TMEM51: variants seen among roughly 807,000 people sequenced by gnomAD.
The protein encoded by TMEM51 is transmembrane protein 51, also known as chromosome 1 open reading frame 72.
Under a neutral mutation model 13.6 loss-of-function variants are expected in TMEM51, and 8 were observed. That is an observed-to-expected ratio of 0.59 (90% CI 0.35 to 1.07). The LOEUF (loss-of-function observed/expected upper bound fraction) is 1.07. TMEM51 is among the 50% of genes least tolerant of loss of function. The pLI is 0.02. For missense variants in TMEM51, 279 were observed against 330.7 expected (o/e 0.84, Z 1.21); for synonymous variants, 147 against 144.4 (o/e 1.02, Z -0.13).
At chr1:15,204,884 G>A (rs1250479486) in intron 1 of TMEM51, among the ~76,000 whole-genome samples, 1 of 152,068 alleles carries the variant, frequency 6.6e-6, no homozygotes, top group Non-Finnish European at 1.5e-5. Context: ...GCTTAGCCTT[G>A]TTTGCCAGGG....
At chr1:15,171,118 T>G in intron 1 of TMEM51, 10 of 546,946 alleles carry the variant, frequency 1.8e-5, no homozygotes, top group Non-Finnish European at 2.3e-5. Context: ...CCCCGCCACA[T>G]CCCCCACCCC....
chr1:15,218,673 G>A (rs899009967), intron 3 of TMEM51, among the ~76,000 whole-genome samples: 2 of 152,166 alleles, frequency 1.3e-5, no homozygotes, highest in Non-Finnish European at 2.9e-5. Flanking sequence ...AAACGGGAAC[G>A]AGGGTGATCC....
At chr1:15,174,168 T>C (rs1472779496) in intron 1 of TMEM51, among the ~76,000 whole-genome samples, 3 of 152,220 alleles carry the variant, frequency 2.0e-5, no homozygotes, top group African/African-American at 4.8e-5. Context: ...CAGGTGAGCA[T>C]TGGGCATCTC....
At chr1:15,171,852 C>A (rs6429723) in intron 1 of TMEM51, among the ~76,000 whole-genome samples, 1 of 152,084 alleles carries the variant, frequency 6.6e-6, no homozygotes, top group African/African-American at 2.4e-5. Flanking sequence ...CTCTGCTGGG[C>A]GTTCCCTGAC....
At chr1:15,159,706 G>A (rs1369682698) in intron 1 of TMEM51, among the ~76,000 whole-genome samples, 1 of 152,122 alleles carries the variant, frequency 6.6e-6, no homozygotes, top group Non-Finnish European at 1.5e-5. Flanking sequence ...ACAGGCATGC[G>A]CCACCACACC....
intron 1 of TMEM51, among the ~76,000 whole-genome samples, chr1:15,187,427 T>G (rs1006660037): frequency 6.6e-6 from 1 of 152,188 alleles, no homozygotes; most frequent in African/African-American, 2.4e-5. Flanking sequence ...TCTTTGCCCA[T>G]CTTGGGCATG....
chr1:15,204,996 G>T (rs889016151), intron 1 of TMEM51, among the ~76,000 whole-genome samples: 2 of 152,140 alleles, frequency 1.3e-5, no homozygotes, highest in Non-Finnish European at 2.9e-5. Flanking sequence ...CAGGAGATCT[G>T]CATCCCTCAG....
chr1:15,203,429 A>ATT (rs112836703), intron 1 of TMEM51, among the ~76,000 whole-genome samples: 4,393 of 140,222 alleles, frequency 0.031, 215 homozygotes, highest in African/African-American at 0.1. Flanking sequence ...TAATTTTTGT[A>ATT]TTTTTTTTTT....
At chr1:15,218,407 G>A (rs1644461717) in intron 3 of TMEM51, among the ~76,000 whole-genome samples, 2 of 152,210 alleles carry the variant, frequency 1.3e-5, no homozygotes, top group South Asian at 4.1e-4. Flanking sequence ...AAGGCTTAAA[G>A]GCAAAGGAGG....
chr1:15,160,157 GA>G (rs1398000276), intron 1 of TMEM51, among the ~76,000 whole-genome samples: 2 of 152,218 alleles, frequency 1.3e-5, no homozygotes, highest in Middle Eastern at 3.4e-3. Context: ...GAAGCAGGTG[GA>G]ATTTACTTGC....
intron 1 of TMEM51, among the ~76,000 whole-genome samples, chr1:15,179,770 C>T (rs553133471): frequency 9.2e-5 from 14 of 152,192 alleles, no homozygotes; most frequent in African/African-American, 2.9e-4. Flanking sequence ...TGACAGAGCA[C>T]GACCTTGTCT....
At chr1:15,157,860 G>T (rs949015884) in intron 1 of TMEM51, among the ~76,000 whole-genome samples, 1 of 152,204 alleles carries the variant, frequency 6.6e-6, no homozygotes, top group African/African-American at 2.4e-5. Flanking sequence ...TTGTAAAAAC[G>T]AGCAGATGAC....
chr1:15,171,718 G>C (rs1643282925), intron 1 of TMEM51, among the ~76,000 whole-genome samples: 1 of 152,200 alleles, frequency 6.6e-6, no homozygotes, highest in South Asian at 2.1e-4. Flanking sequence ...GAACCAGTCA[G>C]AGAAGGGGAT....
At chr1:15,197,430 A>G (rs999318421) in intron 1 of TMEM51, among the ~76,000 whole-genome samples, 3 of 152,000 alleles carry the variant, frequency 2.0e-5, no homozygotes, top group African/African-American at 7.3e-5. Context: ...TCCCTGTTGG[A>G]CACCTCCTCC....
intron 1 of TMEM51, among the ~76,000 whole-genome samples, chr1:15,205,169 GT>G (rs1301062460): frequency 6.6e-6 from 1 of 152,158 alleles, no homozygotes; most frequent in East Asian, 1.9e-4. Context: ...AAGATGTATG[GT>G]TCATGAACTC....
At chr1:15,162,203 C>A (rs1642803215) in intron 1 of TMEM51, among the ~76,000 whole-genome samples, 1 of 152,072 alleles carries the variant, frequency 6.6e-6, no homozygotes, top group Non-Finnish European at 1.5e-5. Flanking sequence ...TACTCTGTTG[C>A]CCAGACTGGA....
At chr1:15,216,047 A>C (rs928967183) in intron 3 of TMEM51, among the ~76,000 whole-genome samples, 17 of 151,822 alleles carry the variant, frequency 1.1e-4, no homozygotes, top group South Asian at 4.2e-4. Context: ...AAAAAATACA[A>C]AAACAAAAAA....
chr1:15,187,758 G>T (rs1026448209), intron 1 of TMEM51, among the ~76,000 whole-genome samples: 1 of 152,158 alleles, frequency 6.6e-6, no homozygotes, highest in African/African-American at 2.4e-5. Context: ...GCAGCCCCGG[G>T]ACTCTGTCCT....
At chr1:15,193,575 CTTTTTTT>C (rs3078881) in intron 1 of TMEM51, among the ~76,000 whole-genome samples, 21 of 114,636 alleles carry the variant, frequency 1.8e-4, no homozygotes, top group Admixed American at 4.4e-4. Context: ...TTCTTTCTTT[CTTTTTTT>C]TTTTTTTTTT....
Sources: allele counts gnomAD v4.1 joint callset (sites outside exome capture counted in the v4.1 genomes callset), GRCh38; gene constraint gnomAD v4.1.1; transcripts MANE v1.5; gene names NCBI Gene and HGNC (gene_info 2026-07-23, HGNC 2026-07-21).